Variants in GPR158 observed in about 807,000 individuals in gnomAD.
GPR158 encodes metabotropic glycine receptor.
In GPR158, 30 loss-of-function variants were observed where a neutral mutation model predicts 78.2. The ratio of observed to expected loss-of-function variants is 0.38; its 90% CI spans 0.29 to 0.52. GPR158 has a LOEUF of 0.52. Ranked by LOEUF, GPR158 falls within the 20% of genes least tolerant of loss-of-function variation. The pLI, the probability that GPR158 is intolerant of heterozygous loss-of-function variation, is 0.83. For missense variants in GPR158, 1,463 were observed against 1,523.5 expected (o/e 0.96, Z 0.66); for synonymous variants, 581 against 591.1 (o/e 0.98, Z 0.25).
chr10:25,197,269 C>T (rs1171755033), intron 1 of GPR158, among the ~76,000 whole-genome samples: 9 of 152,152 alleles, frequency 5.9e-5, no homozygotes, highest in Admixed American at 2.0e-4. Flanking sequence ...CATCTCACCT[C>T]TTTGTGTCCC....
intron 5 of GPR158, among the ~76,000 whole-genome samples, chr10:25,539,109 T>G (rs569954514): frequency 7.2e-5 from 11 of 152,216 alleles, no homozygotes; most frequent in Middle Eastern, 3.4e-3. Flanking sequence ...CATTTATGAA[T>G]GTAGTGCTGC....
chr10:25,318,320 C>G (rs1290591054), intron 2 of GPR158, among the ~76,000 whole-genome samples: 1 of 152,044 alleles, frequency 6.6e-6, no homozygotes, highest in East Asian at 1.9e-4. Flanking sequence ...TCGGTGAGCA[C>G]TGCCTTTTCT....
chr10:25,189,834 A>C (rs948670005), intron 1 of GPR158, among the ~76,000 whole-genome samples: 6 of 120,542 alleles, frequency 5.0e-5, no homozygotes, highest in Non-Finnish European at 8.6e-5. Flanking sequence ...AAAGGAAAGC[A>C]TGTGTGTGTG....
intron 2 of GPR158, among the ~76,000 whole-genome samples, chr10:25,276,913 T>TC: frequency 6.6e-6 from 1 of 151,890 alleles, no homozygotes; most frequent in East Asian, 1.9e-4. Flanking sequence ...GACATTTTTT[T>TC]CCCACATCCA....
At chr10:25,469,822 A>C (rs1172672539) in intron 5 of GPR158, among the ~76,000 whole-genome samples, 2 of 150,276 alleles carry the variant, frequency 1.3e-5, no homozygotes, top group Non-Finnish European at 3.0e-5. Context: ...TGCAGCAAGA[A>C]TCTAATGAGC....
chr10:25,285,395 G>A (rs1854336764), intron 2 of GPR158, among the ~76,000 whole-genome samples: 1 of 152,046 alleles, frequency 6.6e-6, no homozygotes, highest in African/African-American at 2.4e-5. Flanking sequence ...CCTCATGACA[G>A]GCTGTTCTCT....
chr10:25,412,295 C>T lies in GPR158; in HGVS notation c.1157C>T (p.Ser386Leu). 6.2e-7 allele frequency: 1 copy of T among 1,614,094 alleles called. No homozygotes were observed. The highest frequency in any genetic ancestry group is 8.5e-7 in the Non-Finnish European group (1 of 1,179,940). The change falls in exon 4 of 11, where the codon TCA becomes TTA. Residue 386 changes from serine to leucine, a missense_variant. Transcript: ENST00000376351. ...QHISGSTKDV[S>L]EEAYVCLPCR... ...ATTTCAGGAAGTACAAAAGATGTGT[C>T]AGAAGAAGCCTATGTCTGCCTACCT...
intron 1 of GPR158, among the ~76,000 whole-genome samples, chr10:25,213,469 C>T (rs1853162752): frequency 6.6e-6 from 1 of 151,978 alleles, no homozygotes. Flanking sequence ...GATATATATT[C>T]CACTATATCA....
intron 5 of GPR158, among the ~76,000 whole-genome samples, chr10:25,469,692 G>A (rs1246450923): frequency 2.8e-5 from 4 of 145,198 alleles, no homozygotes; most frequent in Non-Finnish European, 6.0e-5. Context: ...GCTGAGGTAG[G>A]AGAATGGTGT....
At chr10:25,229,681 CCTT>C (rs373926330) in intron 2 of GPR158, among the ~76,000 whole-genome samples, 11 of 152,220 alleles carry the variant, frequency 7.2e-5, no homozygotes, top group African/African-American at 2.6e-4. Context: ...ACAATCATAT[CCTT>C]CTTATTTTCT....
At chr10:25,313,860 G>A (rs1187259348) in intron 2 of GPR158, among the ~76,000 whole-genome samples, 1 of 152,076 alleles carries the variant, frequency 6.6e-6, no homozygotes, top group Non-Finnish European at 1.5e-5. Context: ...CAATTTGGAA[G>A]ACTTCCTTCA....
intron 6 of GPR158, among the ~76,000 whole-genome samples, chr10:25,566,868 T>G (rs1836936290): frequency 6.6e-6 from 1 of 152,300 alleles, no homozygotes; most frequent in East Asian, 1.9e-4. Context: ...ACATGGGATT[T>G]GTCACCATTA....
In GPR158 at chr10:25,540,482, C is replaced by T. The variant is rs544195032; in HGVS notation, c.1405-10494C>T. ...ATTATAAATCACGCTGCTGTAAAGA[C>T]ACATGCATACGTATGTTTATTGTGG... On this transcript the variant is annotated intron_variant, in intron 5 of 10. Transcript: ENST00000376351. 4.6e-5 allele frequency among the ~76,000 whole-genome samples: 7 copies of T among 152,316 alleles called. No homozygotes were observed. The East Asian group carries it at 5.8e-4, about 13-fold the overall frequency.
At chr10:25,337,024 CTG>C (rs1564425741) in intron 2 of GPR158, among the ~76,000 whole-genome samples, 3 of 152,012 alleles carry the variant, frequency 2.0e-5, no homozygotes, top group Non-Finnish European at 4.4e-5. Flanking sequence ...TAATTTATAA[CTG>C]TAGGATTCTG....
intron 4 of GPR158, among the ~76,000 whole-genome samples, chr10:25,459,581 A>G (rs1835331481): frequency 6.6e-6 from 1 of 152,172 alleles, no homozygotes; most frequent in Admixed American, 6.5e-5. Flanking sequence ...TAAATGAAGT[A>G]CTTAGTCCCC....
intron 2 of GPR158, among the ~76,000 whole-genome samples, chr10:25,385,450 A>G (rs1834209651): frequency 6.6e-6 from 1 of 152,154 alleles, no homozygotes; most frequent in East Asian, 1.9e-4. Flanking sequence ...TAGCTCTTCA[A>G]ATTCCTGCTT....
At chr10:25,430,891 C>G (rs1354612426) in intron 4 of GPR158, among the ~76,000 whole-genome samples, 1 of 151,638 alleles carries the variant, frequency 6.6e-6, no homozygotes, top group Non-Finnish European at 1.5e-5. Context: ...AACCGTTAGA[C>G]CTAAAACCAT....
At chr10:25,287,259 C>T (rs907940263) in intron 2 of GPR158, among the ~76,000 whole-genome samples, 9 of 151,864 alleles carry the variant, frequency 5.9e-5, no homozygotes, top group African/African-American at 2.2e-4. Flanking sequence ...TTTCTCCTAG[C>T]TTCAGTTGAT....
intron 2 of GPR158, among the ~76,000 whole-genome samples, chr10:25,248,032 A>T (rs986139133): frequency 6.6e-6 from 1 of 151,800 alleles, no homozygotes; most frequent in African/African-American, 2.4e-5. Flanking sequence ...ATGGTATCTC[A>T]TTGTGGTTTT....
Sources: gnomAD v4.1 joint callset for allele counts (sites outside exome capture counted in the v4.1 genomes callset) on GRCh38, gnomAD v4.1.1 for gene constraint, MANE v1.5 for transcripts, NCBI Gene and HGNC (gene_info 2026-07-23, HGNC 2026-07-21) for gene names.